Variants in PTPN12 observed in about 807,000 individuals in gnomAD.
PTPN12 encodes the protein tyrosine-protein phosphatase non-receptor type 12.
In PTPN12, 29 loss-of-function variants were observed where a neutral mutation model predicts 97.6. That is an observed-to-expected ratio of 0.30 (90% CI 0.22 to 0.41). PTPN12 has a LOEUF of 0.41. Among genes scored for constraint, PTPN12 ranks in the 10% least tolerant of loss-of-function variants. PTPN12 has a pLI of 1.00. For missense variants in PTPN12, 819 were observed against 926.0 expected (o/e 0.88, Z 1.50); for synonymous variants, 327 against 300.4 (o/e 1.09, Z -0.91).
chr7:77,537,577 A>G lies in PTPN12; in HGVS notation c.31A>G (p.Ile11Val). The change falls in exon 1 of 18, where the codon ATC (isoleucine) becomes GTC (valine). Residue 11 changes from isoleucine (I) to valine (V), a missense_variant. By Grantham distance (29) the Ile-to-Val change is conservative. Coordinates refer to ENST00000248594, the MANE Select transcript of PTPN12 (RefSeq NM_002835.4). MEQVEILRKF[I>V]QRVQAMKSPD... ...GCAAGTGGAGATCCTGAGGAAATTC[A>G]TCCAGAGGGTCCAGGCCATGAAGAG... 6.2e-7 allele frequency: 1 copy of G among 1,601,246 alleles called. No homozygotes were observed. The highest frequency in any genetic ancestry group is 1.4e-5 in the African/African-American group (1 of 73,240).
At chr7:77,596,129 C>T (rs1289898443) in intron 6 of PTPN12, among the ~76,000 whole-genome samples, 1 of 152,166 alleles carries the variant, frequency 6.6e-6, no homozygotes, top group Non-Finnish European at 1.5e-5. Flanking sequence ...GTGGTTACTA[C>T]TTTGCAGATA....
rs115949948 is a variant in PTPN12 at position 77,581,399 on chromosome 7, A to G, written c.209-28A>G. 6,126 of 1,470,090 alleles carry G rather than the reference A, an allele frequency of 4.2e-3. 202 individuals are homozygous for G. The African/African-American group carries it at 0.071, about 17-fold the overall frequency. The allele number at this position is 1,470,090 out of a possible 1,614,324, so 91.1% of individuals were successfully genotyped here. On this transcript the variant is annotated intron_variant, in intron 2 of 17. Transcript: ENST00000248594. ...TAGAAAATACCTGTGTGTCAACCAT[A>G]CATATTTTATGAATTTTTTTCTCGT...
intron 8 of PTPN12, among the ~76,000 whole-genome samples, chr7:77,606,643 C>T (rs1300449152): frequency 1.3e-5 from 2 of 152,248 alleles, no homozygotes; most frequent in African/African-American, 4.8e-5. Context: ...TTCAGTTACT[C>T]ATAGTTCAAA....
chr7:77,638,556 T>G, intron 16 of PTPN12, 68 bp from the exon 17 acceptor site: 2 of 1,389,208 alleles, frequency 1.4e-6, no homozygotes, highest in Non-Finnish European at 1.9e-6. Context: ...ATTTAAAAAA[T>G]TAAAGAGTTA....
intron 1 of PTPN12, among the ~76,000 whole-genome samples, chr7:77,559,280 T>C (rs899624130): frequency 2.0e-5 from 3 of 152,252 alleles, no homozygotes; most frequent in Admixed American, 6.5e-5. Context: ...TTCTGGACTT[T>C]GCCTCTTGTG....
rs1351850239 is a variant in PTPN12 at position 77,543,793 on chromosome 7, C to G, written c.99+6148C>G. On this transcript the variant is annotated intron_variant, in intron 1 of 17. Transcript: ENST00000248594. ...ATGTGGTGTTTTGTGACTGACTCCA[C>G]CTAACATGATGATTTCAAGTTTCAT... Among the ~76,000 whole-genome samples the G allele has an allele frequency of 3.3e-5, 5 of 152,282 alleles. No individual in the cohort carries two copies. The East Asian group carries it at 9.6e-4, about 29-fold the overall frequency.
intron 1 of PTPN12, among the ~76,000 whole-genome samples, chr7:77,553,239 C>T (rs1356492873): frequency 1.3e-5 from 2 of 152,098 alleles, no homozygotes; most frequent in East Asian, 3.8e-4. Context: ...TTCATGTAAA[C>T]TTGAGAAGAA....
At position 77,624,773 on chromosome 7, in the gene PTPN12, C is replaced by T. The variant is rs187261255; in HGVS notation, c.1026-1932C>T. Among the ~76,000 whole-genome samples the T allele has an allele frequency of 2.8e-4, 42 of 152,036 alleles. 1 individual carries two copies. The highest frequency in any genetic ancestry group is 2.2e-3 in the Admixed American group (33 of 15,268). On this transcript the variant is annotated intron_variant, in intron 12 of 17. Coordinates refer to ENST00000248594, the MANE Select transcript of PTPN12 (RefSeq NM_002835.4). ...TCTTTTAAGGGGAAACCTGGTGTACCATGTGATTACTGCCAGTTATCTGGT... is the reference window on the plus strand; with the variant it reads ...TCTTTTAAGGGGAAACCTGGTGTACTATGTGATTACTGCCAGTTATCTGGT...
chr7:77,604,990 T>C (rs1374349831), intron 8 of PTPN12: 3 of 256,556 alleles, frequency 1.2e-5, no homozygotes, highest in African/African-American at 2.3e-5. Flanking sequence ...TTGTGTTTCA[T>C]TGATCTGGTT....
At chr7:77,579,749 A>C (rs191046436) in intron 2 of PTPN12, among the ~76,000 whole-genome samples, 436 of 152,360 alleles carry the variant, frequency 2.9e-3, no homozygotes, top group African/African-American at 0.01. Flanking sequence ...ATCTCATAAA[A>C]ATCAGTAGGA....
intron 1 of PTPN12, chr7:77,563,965 A>G (rs1455818049): frequency 4.5e-6 from 2 of 441,226 alleles, no homozygotes; most frequent in East Asian, 7.6e-5. Context: ...GCTGGAGTGC[A>G]GTGGTGTGAT....
At chr7:77,612,819 ACT>A (rs1369598790) in intron 11 of PTPN12, among the ~76,000 whole-genome samples, 1 of 141,274 alleles carries the variant, frequency 7.1e-6, no homozygotes, top group Non-Finnish European at 1.5e-5. Context: ...ACGAAGTCTC[ACT>A]CTGTCACTTA....
At chr7:77,582,084 C>CTTTTTTTTTT (rs11341609) in intron 3 of PTPN12, among the ~76,000 whole-genome samples, 1,027 of 52,888 alleles carry the variant, frequency 0.019, 226 homozygotes, top group Non-Finnish European at 0.024. Flanking sequence ...CAGTCAAGTT[C>CTTTTTTTTTT]TTTTTTTTTT....
At chr7:77,618,186 A>T (rs745713408) in intron 11 of PTPN12, among the ~76,000 whole-genome samples, 1 of 151,906 alleles carries the variant, frequency 6.6e-6, no homozygotes, top group Non-Finnish European at 1.5e-5. Context: ...TCTTTAATCC[A>T]CATTATCTTG....
intron 1 of PTPN12, among the ~76,000 whole-genome samples, chr7:77,543,133 G>A (rs117651592): frequency 0.018 from 2,782 of 152,248 alleles, 33 homozygotes; most frequent in Middle Eastern, 0.071. Context: ...TGGGAGGACC[G>A]GTAAGGTGAG....
At chr7:77,604,892 T>C in intron 8 of PTPN12, 1 of 435,272 alleles carries the variant, frequency 2.3e-6, no homozygotes, top group South Asian at 1.6e-5. Flanking sequence ...ACTTCTCCTT[T>C]GCCACTTACT....
intron 17 of PTPN12, 27 bp downstream of exon 17, chr7:77,638,758 G>A (rs1163546903): frequency 6.3e-7 from 1 of 1,587,606 alleles, no homozygotes. Flanking sequence ...ATAATTTTTA[G>A]TAAGTAGTTA....
At chr7:77,603,209 TAAAG>T (rs764267075) in intron 8 of PTPN12, among the ~76,000 whole-genome samples, 12 of 152,332 alleles carry the variant, frequency 7.9e-5, no homozygotes, top group Middle Eastern at 3.4e-3. Flanking sequence ...AATTAAAAGA[TAAAG>T]AAATTGCTTT....
chr7:77,594,371 G>A lies in PTPN12; in HGVS notation c.492+2115G>A, dbSNP rs528076797. 2.5e-3 allele frequency among the ~76,000 whole-genome samples: 387 copies of A among 152,228 alleles called. 2 individuals carry two copies. Among genetic ancestry groups the A allele is most frequent in the African/African-American group, 8.4e-3 (349 of 41,546 alleles). On this transcript the variant is annotated intron_variant, in intron 6 of 17. Transcript: ENST00000248594. ...AATAATACCCAATACACACCACACT[G>A]TCTACTTCAGTGGGGAAATACCAAC...
Sources: gnomAD v4.1 joint callset for allele counts (sites outside exome capture counted in the v4.1 genomes callset) on GRCh38, gnomAD v4.1.1 for gene constraint, MANE v1.5 for transcripts, NCBI Gene and HGNC (gene_info 2026-07-23, HGNC 2026-07-21) for gene names.